Variants in OR6N1 observed in about 807,000 individuals in gnomAD.
OR6N1 encodes olfactory receptor family 6 subfamily N member 1.
For synonymous variants in OR6N1, 170 were observed against 150.7 expected (o/e 1.13, Z -0.94); for missense variants, 394 against 371.7 (o/e 1.06, Z -0.49).
At chr1:158,834,997 C>G in the OR6N1 span, among the ~76,000 whole-genome samples, 1 of 152,048 alleles carries the variant, frequency 6.6e-6, no homozygotes, top group Admixed American at 6.6e-5. Flanking sequence ...ATGCCAATAC[C>G]ACACTGTTTT....
the OR6N1 span, chr1:158,831,472 A>G: frequency 2.6e-5 from 4 of 152,202 alleles, no homozygotes; most frequent in South Asian, 8.3e-4. Flanking sequence ...TAATCTCTCC[A>G]AAGCTTTACG....
Position 158,766,374 on chromosome 1 carries a change from G to C in OR6N1, c.309C>G (p.Phe103Leu). 6.2e-7 allele frequency: 1 copy of C among 1,614,158 alleles called. No homozygotes were observed. The highest frequency in any genetic ancestry group is 8.5e-7 in the Non-Finnish European group (1 of 1,180,040). ...ACTCAGTCGCTCCAAGGGAGTGAAA[G>C]AAATAGATCTGCAGGAGACACCCAG... ...SFSGCLLQIY[F>L]FHSLGATECY... is the part of the protein sequence containing the mutation. The change falls in exon 2 of 2, where the codon TTC becomes TTG. Residue 103 changes from phenylalanine to leucine, a missense_variant. Transcript: ENST00000641846.
chr1:158,812,924 C>G, the OR6N1 span, among the ~76,000 whole-genome samples: 2 of 152,174 alleles, frequency 1.3e-5, no homozygotes, highest in African/African-American at 2.4e-5. Context: ...GTCTAACACA[C>G]AGTTCCTTTC....
the OR6N1 span, among the ~76,000 whole-genome samples, chr1:158,834,883 C>G: frequency 0.79 from 119,642 of 152,134 alleles, 47,046 homozygotes; most frequent in Admixed American, 0.83. Flanking sequence ...TGTTCTTTCT[C>G]ATTAAACAGC....
At chr1:158,808,148 T>C in the OR6N1 span, among the ~76,000 whole-genome samples, 1 of 129,550 alleles carries the variant, frequency 7.7e-6, no homozygotes, top group Non-Finnish European at 1.6e-5. Context: ...TTTTTTTTTT[T>C]TTTTTTTAAG....
At chr1:158,816,610 A>G in the OR6N1 span, among the ~76,000 whole-genome samples, 2 of 152,218 alleles carry the variant, frequency 1.3e-5, no homozygotes, top group African/African-American at 4.8e-5. Context: ...GAATGGCTTG[A>G]GCCCAGAAGG....
chr1:158,774,084 CCTGT>C (rs1165682656), upstream of OR6N1: 4 of 152,302 alleles, frequency 2.6e-5, no homozygotes, highest in South Asian at 2.1e-4. Context: ...CACGTAACTG[CCTGT>C]CTTTTTTATG....
In OR6N1 at chr1:158,765,347, C is replaced by G. The variant is rs1657218900; in HGVS notation, c.*397G>C. The G allele has an allele frequency of 6.3e-6, 1 of 159,492 alleles. No individual in the cohort carries two copies. The highest frequency in any genetic ancestry group is 1.4e-5 in the Non-Finnish European group (1 of 72,746). 9.9% of individuals were successfully genotyped at this position (159,492 alleles called of 1,614,324 possible). A position where few individuals can be genotyped will look rare whatever the true frequency, so the allele number is the denominator to read the frequency against. ...CCACATGAAATGATTGCAAGTGGTA[C>G]AAAAAACATCATGAATCACATTTTG... is the stretch of plus-strand genomic sequence containing the variant. On this transcript the variant is annotated 3_prime_UTR_variant, in exon 2 of 2. Coordinates refer to ENST00000641846, the MANE Select transcript of OR6N1 (RefSeq NM_001005185.2).
chr1:158,810,816 G>T, the OR6N1 span, among the ~76,000 whole-genome samples: 1 of 152,174 alleles, frequency 6.6e-6, no homozygotes, highest in Non-Finnish European at 1.5e-5. Flanking sequence ...CCAGAAAGGA[G>T]TAAATAATAT....
chr1:158,839,332 T>C, the OR6N1 span, among the ~76,000 whole-genome samples: 3 of 152,174 alleles, frequency 2.0e-5, no homozygotes, highest in African/African-American at 7.2e-5. Context: ...TTCTCTCATA[T>C]ACACACTGCT....
intron 1 of OR6N1, among the ~76,000 whole-genome samples, chr1:158,770,349 G>A (rs377005847): frequency 3.3e-5 from 5 of 152,004 alleles, no homozygotes; most frequent in South Asian, 4.1e-4. Context: ...TATTTTCCAC[G>A]GAAAACTAGC....
chr1:158,793,789 C>A, the OR6N1 span, among the ~76,000 whole-genome samples: 2 of 152,162 alleles, frequency 1.3e-5, no homozygotes, highest in East Asian at 3.8e-4. Flanking sequence ...TAAGATCCAG[C>A]TGCAGCTAAA....
chr1:158,776,738 C>G (rs755813029), upstream of OR6N1: 4 of 1,613,782 alleles, frequency 2.5e-6, no homozygotes, highest in Non-Finnish European at 3.4e-6. Flanking sequence ...CTCTTGATAG[C>G]TTTAATGATT....
At chr1:158,790,754 T>A in the OR6N1 span, among the ~76,000 whole-genome samples, 1 of 152,220 alleles carries the variant, frequency 6.6e-6, no homozygotes, top group Non-Finnish European at 1.5e-5. Flanking sequence ...AGCTTTGACA[T>A]TTTAATAGTA....
chr1:158,813,154 A>T, the OR6N1 span, among the ~76,000 whole-genome samples: 7 of 152,222 alleles, frequency 4.6e-5, no homozygotes, highest in Admixed American at 6.5e-5. Context: ...AGACCTTTTT[A>T]TGCATTGCTT....
chr1:158,836,587 A>G, the OR6N1 span, among the ~76,000 whole-genome samples: 1 of 151,528 alleles, frequency 6.6e-6, no homozygotes, highest in Non-Finnish European at 1.5e-5. Context: ...TTAGTTTCTG[A>G]TTTTATTATT....
At chr1:158,793,521 T>C in the OR6N1 span, among the ~76,000 whole-genome samples, 1 of 152,326 alleles carries the variant, frequency 6.6e-6, no homozygotes, top group South Asian at 2.1e-4. Flanking sequence ...TGGCTATGTG[T>C]ATTTTCAATG....
the OR6N1 span, among the ~76,000 whole-genome samples, chr1:158,802,093 A>T: frequency 1.3e-5 from 2 of 149,552 alleles, no homozygotes; most frequent in Admixed American, 1.3e-4. Context: ...AAGCAGCCCT[A>T]CTCTCTTTCA....
At chr1:158,776,472 T>A, upstream of OR6N1, 1 of 428,696 alleles carries the variant, frequency 2.3e-6, no homozygotes, top group Non-Finnish European at 4.1e-6. Flanking sequence ...AAAAAAGAAG[T>A]ATGTAGATAC....
Sources: gnomAD v4.1 joint callset for allele counts (sites outside exome capture counted in the v4.1 genomes callset) on GRCh38, gnomAD v4.1.1 for gene constraint, MANE v1.5 for transcripts, NCBI Gene and HGNC (gene_info 2026-07-23, HGNC 2026-07-21) for gene names.